The following CAPN3 variants were observed in gnomAD, a reference collection of about 807,000 sequenced individuals.
CAPN3 encodes the protein calpain-3.
A neutral mutation model predicts 114.0 loss-of-function variants in CAPN3; 88 were observed. The observed-to-expected ratio is 0.77, with a 90% CI of 0.65 to 0.92. CAPN3 has a LOEUF of 0.92. Ranked by LOEUF, CAPN3 falls within the 40% of genes least tolerant of loss-of-function variation. The probability of loss-of-function intolerance (pLI) is 0.00; values close to 1 mark genes in which losing one functional copy is unlikely to be tolerated. For missense variants in CAPN3, 1,028 were observed against 1,069.0 expected (o/e 0.96, Z 0.53); for synonymous variants, 386 against 382.9 (o/e 1.01, Z -0.09).
chr15:42,380,751 A>ATATATATATTTTTTT (rs1436943739), intron 1 of CAPN3, among the ~76,000 whole-genome samples: 8 of 64,456 alleles, frequency 1.2e-4, no homozygotes, highest in African/African-American at 7.2e-4. Flanking sequence ...ATATATATAT[A>ATATATATATTTTTTT]TTTTTTTTTT....
At chr15:42,411,370 C>G (rs368543353) in intron 23 of CAPN3, 25 bp downstream of exon 23, 28 of 1,608,426 alleles carry the variant, frequency 1.7e-5, no homozygotes, top group Non-Finnish European at 2.2e-5. Context: ...CAGCACATTC[C>G]CCCTACACAT....
rs1447774727 is a variant in CAPN3 at position 42,410,954 on chromosome 15, C to CT, written c.2337dup (p.Asp780Ter). 1.2e-6 allele frequency: 2 copies of CT among 1,614,102 alleles called. No individual in the cohort carries two copies. The highest frequency in any genetic ancestry group is 2.7e-5 in the African/African-American group (2 of 74,942). On this transcript the variant is annotated frameshift_variant, in exon 22 of 24. Coordinates refer to ENST00000397163, the MANE Select transcript of CAPN3 (RefSeq NM_000070.3). LOFTEE classifies it high-confidence loss of function. ...ACGCAGACAAACACATGAACATCGACTTTGACAGTTTCATCTGCTGCTTCG... is the reference window on the plus strand; with the variant it reads ...ACGCAGACAAACACATGAACATCGACTTTTGACAGTTTCATCTGCTGCTTCG...
Position 42,402,854 on chromosome 15 carries a change from A to G in CAPN3, c.1597A>G (p.Arg533Gly), listed in dbSNP as rs2141202954. The G allele has an allele frequency of 6.2e-7, 1 of 1,614,208 alleles. No homozygotes were observed. The highest frequency in any genetic ancestry group is 1.7e-5 in the Admixed American group (1 of 60,028). ...CTTCCTGTACAACGCCTCCAAGGCC[A>G]GGAGCAAAACCTACATCAACATGCG... ...DFFLYNASKARSKTYINMREV... is the reference protein window; with the variant it reads ...DFFLYNASKAGSKTYINMREV... The change falls in exon 13 of 24, where the codon AGG (arginine) becomes GGG (glycine). Residue 533 changes from arginine (R) to glycine (G), a missense_variant. Coordinates refer to ENST00000397163, the MANE Select transcript of CAPN3 (RefSeq NM_000070.3).
intron 12 of CAPN3, 47 bp downstream of exon 12, chr15:42,402,182 G>C (rs1272389219): frequency 1.2e-6 from 2 of 1,613,546 alleles, no homozygotes; most frequent in Non-Finnish European, 1.7e-6. Context: ...ACTACCCAGG[G>C]GGCCCCGAGT....
intron 2 of CAPN3, 127 bp downstream of exon 2, chr15:42,384,679 A>G: frequency 4.0e-6 from 3 of 748,366 alleles, no homozygotes; most frequent in Non-Finnish European, 7.2e-6. Context: ...GATTTTTTAT[A>G]ACAGTTGCTT....
intron 7 of CAPN3, among the ~76,000 whole-genome samples, chr15:42,392,939 G>A (rs761020240): frequency 6.6e-6 from 1 of 152,204 alleles, no homozygotes; most frequent in Non-Finnish European, 1.5e-5. Context: ...TTTGCTTTTC[G>A]TGCTAAAGAT....
intron 1 of CAPN3, among the ~76,000 whole-genome samples, chr15:42,381,697 G>A (rs1190700769): frequency 6.6e-6 from 1 of 152,050 alleles, no homozygotes; most frequent in Non-Finnish European, 1.5e-5. Flanking sequence ...GAGCCACCAT[G>A]CCTGGCTAAT....
chr15:42,404,813 A>G, intron 14 of CAPN3: 1 of 1,076,848 alleles, frequency 9.3e-7, no homozygotes, highest in Non-Finnish European at 1.1e-6. Flanking sequence ...CCAGGTCTCC[A>G]AGTGCCTTCT....
chr15:42,411,451 T>A, intron 23 of CAPN3, 106 bp downstream of exon 23: 1 of 1,051,372 alleles, frequency 9.5e-7, no homozygotes, highest in Non-Finnish European at 1.5e-6. Context: ...CACACAGTGG[T>A]GGAGGGAAGG....
At chr15:42,397,147 C>G (rs960336658) in intron 9 of CAPN3, among the ~76,000 whole-genome samples, 3 of 152,206 alleles carry the variant, frequency 2.0e-5, no homozygotes, top group Admixed American at 2.0e-4. Context: ...CCACAGGCAC[C>G]CTGGCCTTAG....
chr15:42,389,006 GT>G lies in CAPN3; in HGVS notation c.717del (p.Phe239LeufsTer14), dbSNP rs776059672. On this transcript the variant is annotated frameshift_variant, in exon 5 of 24. Coordinates refer to ENST00000397163, the MANE Select transcript of CAPN3 (RefSeq NM_000070.3). LOFTEE classifies it high-confidence loss of function. ...MEDFTGGVAE[F>X]FEIRDAPSDM... ...AGGACTTCACAGGAGGGGTGGCAGA[GT>G]TTTTTGAGATCAGGGATGCTCCTAG... 4.3e-6 allele frequency: 7 copies of G among 1,614,126 alleles called. No individual in the cohort carries two copies. The highest frequency in any genetic ancestry group is 1.1e-5 in the South Asian group (1 of 91,080).
Position 42,399,668 on chromosome 15 carries a change from G to T in CAPN3, c.1354+16G>T. ...AACTTCCCAGGTGGGAGATGCTCTT[G>T]ATGGGGGGAGGGTCTAAGCCGAAAA... is the stretch of plus-strand genomic sequence containing the variant. On this transcript the variant is annotated intron_variant, in intron 10 of 23. Transcript: ENST00000397163. The T allele has an allele frequency of 6.3e-7, 1 of 1,585,530 alleles. No individual in the cohort carries two copies. The highest frequency in any genetic ancestry group is 8.6e-7 in the Non-Finnish European group (1 of 1,164,346).
At position 42,389,060 on chromosome 15, in the gene CAPN3, C is replaced by T. The variant is rs901174339; in HGVS notation, c.765C>T (p.Ala255=). ...ACATGTACAAGATCATGAAGAAAGC[C>T]ATCGAGAGAGGCTCCCTCATGGGCT... The part of the protein sequence containing the change: ...PSDMYKIMKK[A]IERGSLMGCS... The change falls in exon 5 of 24, where the codon GCC becomes GCT. Residue 255 remains alanine, a synonymous_variant. Transcript: ENST00000397163. 12 of 1,614,076 alleles carry T rather than the reference C, an allele frequency of 7.4e-6. No individual in the cohort carries two copies. The highest frequency in any genetic ancestry group is 1.7e-5 in the Admixed American group (1 of 60,016).
intron 1 of CAPN3, among the ~76,000 whole-genome samples, chr15:42,369,577 T>G (rs1276517657): frequency 6.6e-6 from 1 of 152,202 alleles, no homozygotes; most frequent in African/African-American, 2.4e-5. Context: ...CATTCTTCTT[T>G]TTCATGTTCA....
Position 42,372,338 on chromosome 15 carries a change from T to G in CAPN3, c.310-12145T>G, listed in dbSNP as rs114568665. Among the ~76,000 whole-genome samples, 298 of 152,290 alleles carry G rather than the reference T, an allele frequency of 2.0e-3. 1 individual carries two copies. The highest frequency in any genetic ancestry group is 6.2e-3 in the African/African-American group (258 of 41,572). ...TAATGCCTGGCTAATTTTGTATTTTTAGTAAAGACAGAATTTCACCATGTT... is the reference window on the plus strand; with the variant it reads ...TAATGCCTGGCTAATTTTGTATTTTGAGTAAAGACAGAATTTCACCATGTT... On this transcript the variant is annotated intron_variant, in intron 1 of 23. Transcript: ENST00000397163.
intron 1 of CAPN3, among the ~76,000 whole-genome samples, chr15:42,366,830 T>C (rs1255934639): frequency 1.4e-5 from 2 of 141,372 alleles, no homozygotes; most frequent in African/African-American, 5.9e-5. Context: ...TTTTTTTTCT[T>C]TTTTTTTTTC....
intron 1 of CAPN3, among the ~76,000 whole-genome samples, chr15:42,379,020 T>G (rs1264253112): frequency 1.3e-5 from 2 of 152,130 alleles, no homozygotes; most frequent in Non-Finnish European, 2.9e-5. Flanking sequence ...CTTTCTATTC[T>G]TTTAAATTGG....
chr15:42,411,487 C>T lies in CAPN3; in HGVS notation c.2439+142C>T. The T allele has an allele frequency of 8.2e-6, 7 of 858,154 alleles. No homozygotes were observed. In the South Asian group the frequency reaches 9.3e-5, roughly 11 times the overall value. 53.2% of individuals were successfully genotyped at this position (858,154 alleles called of 1,614,324 possible). ...GATAGGAACAGAACATGGAGGGAGG[C>T]TCAGCAGGCTCCCAGGACACATGCA... On this transcript the variant is annotated intron_variant, in intron 23 of 23. Coordinates refer to ENST00000397163, the MANE Select transcript of CAPN3 (RefSeq NM_000070.3).
At chr15:42,404,438 G>A in intron 14 of CAPN3, 1 of 456,576 alleles carries the variant, frequency 2.2e-6, no homozygotes, top group Non-Finnish European at 4.4e-6. Context: ...ATAATCCCTG[G>A]TGTTCAAGAA....
Sources: allele counts gnomAD v4.1 joint callset (sites outside exome capture counted in the v4.1 genomes callset), GRCh38; gene constraint gnomAD v4.1.1; transcripts MANE v1.5; gene names NCBI Gene and HGNC (gene_info 2026-07-23, HGNC 2026-07-21).